Variants in PCDHGB4 observed in about 807,000 individuals in gnomAD.
PCDHGB4 encodes the protein protocadherin gamma-B4.
A neutral mutation model predicts 60.5 loss-of-function variants in PCDHGB4; 38 were observed. That is an observed-to-expected ratio of 0.63 (90% CI 0.48 to 0.82). The LOEUF (loss-of-function observed/expected upper bound fraction) is 0.82. PCDHGB4 is among the 40% of genes least tolerant of loss of function. The pLI is 0.00. For synonymous variants in PCDHGB4, 456 were observed against 509.7 expected, an observed-to-expected ratio of 0.89 and a Z score of 1.42; for missense variants, 1,109 against 1,209.6, an observed-to-expected ratio of 0.92 and a Z score of 1.23.
intron 1 of PCDHGB4, among the ~76,000 whole-genome samples, chr5:141,450,061 C>A (rs1219642208): frequency 7.2e-6 from 1 of 139,334 alleles, no homozygotes; most frequent in Non-Finnish European, 1.5e-5. Context: ...GGCTGGAATG[C>A]AGTGGTATGA....
At chr5:141,407,960 C>T in intron 1 of PCDHGB4, 1 of 669,186 alleles carries the variant, frequency 1.5e-6, no homozygotes, top group Non-Finnish European at 2.4e-6. Flanking sequence ...CAGTGCAGAG[C>T]AAGCGCTGAC....
rs1357901633 is a variant in PCDHGB4, at chr5:141,476,594, C to G, written c.2398-18213C>G. On this transcript the variant is annotated intron_variant, in intron 1 of 3. Transcript: ENST00000519479. This position sits in a 1 kb window ranked among gnomAD's most constrained non-coding sequence, Gnocchi z 7.6. ...GACGCGCTTTCCGCTCGAGAGCGCG[C>G]ACGATCCCGATGTGGGAAGCAACTC... The G allele has an allele frequency of 3.7e-6, 6 of 1,614,242 alleles. No homozygotes were observed. The highest frequency in any genetic ancestry group is 4.2e-6 in the Non-Finnish European group (5 of 1,180,040).
chr5:141,423,969 C>G, intron 1 of PCDHGB4: 1 of 1,147,718 alleles, frequency 8.7e-7, no homozygotes, highest in Non-Finnish European at 1.1e-6. Flanking sequence ...TTTCTATTAT[C>G]AGTGTATGAG....
intron 1 of PCDHGB4, chr5:141,394,190 G>T (rs1370592594): frequency 1.2e-6 from 2 of 1,613,684 alleles, no homozygotes; most frequent in Non-Finnish European, 1.7e-6. Flanking sequence ...CCTACTCAGC[G>T]TATATCCTAG....
At chr5:141,462,523 G>GTGTT (rs2099041548) in intron 1 of PCDHGB4, among the ~76,000 whole-genome samples, 1 of 152,024 alleles carries the variant, frequency 6.6e-6, no homozygotes, top group African/African-American at 2.4e-5. Context: ...GTTAGTAAGA[G>GTGTT]TGTTGTTCAG....
At chr5:141,415,504 C>A in intron 1 of PCDHGB4, 2 of 1,614,216 alleles carry the variant, frequency 1.2e-6, no homozygotes, top group Non-Finnish European at 1.7e-6. Context: ...CTTCCCCCAG[C>A]CCAATTATGC....
chr5:141,405,233 G>A (rs746061797), intron 1 of PCDHGB4: 10 of 1,613,914 alleles, frequency 6.2e-6, no homozygotes, highest in East Asian at 2.2e-5. Flanking sequence ...CTCCCTCACC[G>A]CTGACTCAAG....
chr5:141,448,945 A>G (rs1288079348), intron 1 of PCDHGB4, among the ~76,000 whole-genome samples: 1 of 151,716 alleles, frequency 6.6e-6, no homozygotes, highest in Non-Finnish European at 1.5e-5. Context: ...ACTGCAACTC[A>G]AAAAAACAAA....
chr5:141,389,019 G>T lies in PCDHGB4; in HGVS notation c.1135G>T (p.Glu379Ter). ...TGACAAGGATTCCAGACACAATGGA[G>T]AAGTGACTTGTAAATTGGAAGGTGA... Reference protein sequence around the residue: ...VRDKDSRHNGEVTCKLEGDVP... With the variant: ...VRDKDSRHNG The change falls in exon 1 of 4, where the codon GAA (glutamate) becomes TAA (stop). Residue 379 changes from glutamate (E) to a stop codon, truncating the protein, a stop_gained. Transcript: ENST00000519479. LOFTEE classifies it high-confidence loss of function. 1.9e-6 allele frequency: 3 copies of T among 1,614,000 alleles called. No homozygotes were observed. Among genetic ancestry groups the T allele is most frequent in the South Asian group, 1.1e-5 (1 of 91,082 alleles).
rs201022238 is a variant in PCDHGB4 at position 141,415,678 on chromosome 5, G to A, written c.2397+25397G>A. 470 of 1,555,406 alleles carry A rather than the reference G, an allele frequency of 3.0e-4. 2 individuals carry two copies. In the African/African-American group the frequency reaches 5.9e-3, roughly 20 times the overall value. ...GATTGGTTTTTACTTTGAAGTTTGC[G>A]GCATGATGGTGGAAAGTGTAAATGC... On this transcript the variant is annotated intron_variant, in intron 1 of 3. Coordinates refer to ENST00000519479, the MANE Select transcript of PCDHGB4 (RefSeq NM_003736.4).
chr5:141,430,992 A>G (rs1223969128), intron 1 of PCDHGB4: 2 of 1,613,824 alleles, frequency 1.2e-6, no homozygotes, highest in Admixed American at 3.3e-5. Context: ...TTCGCCCTGA[A>G]TCCGCGCAGC....
chr5:141,417,900 G>C, intron 1 of PCDHGB4: 2 of 1,583,452 alleles, frequency 1.3e-6, no homozygotes, highest in Non-Finnish European at 1.7e-6. Context: ...GCCGGCCCGC[G>C]GCAGGTACTA....
chr5:141,417,791 C>G, intron 1 of PCDHGB4: 1 of 1,482,658 alleles, frequency 6.7e-7, no homozygotes, highest in Non-Finnish European at 9.0e-7. Context: ...GCCGAATGCT[C>G]TTTTAGCGCG....
At chr5:141,400,301 C>T in intron 1 of PCDHGB4, 3 of 1,614,084 alleles carry the variant, frequency 1.9e-6, no homozygotes, top group Non-Finnish European at 2.5e-6. Flanking sequence ...TGCTTCCAAC[C>T]TGGTCTCTGT....
chr5:141,440,902 G>C (rs138147244), intron 1 of PCDHGB4: 1 of 152,110 alleles, frequency 6.6e-6, no homozygotes, highest in Admixed American at 6.6e-5. Context: ...ATGTGCATCC[G>C]GGCACTCCTG....
At chr5:141,502,234 C>T (rs1482411915) in intron 2 of PCDHGB4, among the ~76,000 whole-genome samples, 1 of 152,108 alleles carries the variant, frequency 6.6e-6, no homozygotes, top group Non-Finnish European at 1.5e-5. Flanking sequence ...TCTGTGTGTT[C>T]TTTTATCCTT....
At chr5:141,420,887 G>C (rs2096530920) in intron 1 of PCDHGB4, among the ~76,000 whole-genome samples, 1 of 152,204 alleles carries the variant, frequency 6.6e-6, no homozygotes, top group African/African-American at 2.4e-5. Context: ...GTGTATCATC[G>C]TTTTTAAGCT....
At chr5:141,460,991 A>G (rs889917939) in intron 1 of PCDHGB4, among the ~76,000 whole-genome samples, 39 of 141,522 alleles carry the variant, frequency 2.8e-4, no homozygotes, top group East Asian at 1.0e-3. Flanking sequence ...GTGTATATAT[A>G]TATATGTGTA....
chr5:141,393,950 T>C (rs1203228447), intron 1 of PCDHGB4: 1 of 1,613,996 alleles, frequency 6.2e-7, no homozygotes, highest in Non-Finnish European at 8.5e-7. Context: ...CTGGAAAGAA[T>C]GGTCAAGTTG....
Sources: allele counts gnomAD v4.1 joint callset (sites outside exome capture counted in the v4.1 genomes callset), GRCh38; gene constraint gnomAD v4.1.1; non-coding constraint Gnocchi (gnomAD v3.1); transcripts MANE v1.5; gene names NCBI Gene and HGNC (gene_info 2026-07-23, HGNC 2026-07-21).